Variants in SENP7 observed in about 807,000 individuals in gnomAD.
The protein encoded by SENP7 is SUMO specific peptidase 7.
In SENP7, 64 loss-of-function variants were observed where a neutral mutation model predicts 141.2. The ratio of observed to expected loss-of-function variants is 0.45; its 90% CI spans 0.37 to 0.56. The LOEUF is 0.56. Among genes scored for constraint, SENP7 ranks in the 20% least tolerant of loss-of-function variants. The probability of loss-of-function intolerance (pLI) is 0.00; values close to 1 mark genes in which losing one functional copy is unlikely to be tolerated. For synonymous variants in SENP7, 382 were observed against 426.4 expected (o/e 0.90, Z 1.28); for missense variants, 1,025 against 1,212.2 (o/e 0.85, Z 2.29).
intron 6 of SENP7, among the ~76,000 whole-genome samples, chr3:101,374,710 A>T (rs1220425832): frequency 1.3e-5 from 2 of 150,792 alleles, no homozygotes; most frequent in Non-Finnish European, 2.9e-5. Flanking sequence ...CAGGAGTTCA[A>T]GGTGGCAGCT....
chr3:101,479,023 A>G (rs1470903271), intron 3 of SENP7, among the ~76,000 whole-genome samples: 1 of 152,176 alleles, frequency 6.6e-6, no homozygotes, highest in African/African-American at 2.4e-5. Flanking sequence ...AAAAATGCTC[A>G]AGAAACTAGC....
chr3:101,457,446 T>G (rs1187391544), intron 4 of SENP7: 1 of 1,596,166 alleles, frequency 6.3e-7, no homozygotes, highest in African/African-American at 1.3e-5. Context: ...CTGCTTTGTC[T>G]CGGCATGGCC....
At chr3:101,339,672 T>C (rs987990310) in intron 16 of SENP7, among the ~76,000 whole-genome samples, 2 of 151,856 alleles carry the variant, frequency 1.3e-5, no homozygotes, top group African/African-American at 4.8e-5. Context: ...GAGCCGAGAT[T>C]GTGCCACTGG....
chr3:101,422,953 GC>G (rs1246235356), intron 4 of SENP7, among the ~76,000 whole-genome samples: 8 of 151,978 alleles, frequency 5.3e-5, no homozygotes, highest in African/African-American at 1.9e-4. Context: ...ATATAGCTTG[GC>G]CAAATAAATT....
At chr3:101,379,383 A>G (rs2060430773) in intron 6 of SENP7, among the ~76,000 whole-genome samples, 1 of 152,164 alleles carries the variant, frequency 6.6e-6, no homozygotes. Flanking sequence ...GATTACGTAG[A>G]CTTCATCAGA....
At chr3:101,502,010 G>A (rs888185149) in intron 1 of SENP7, among the ~76,000 whole-genome samples, 7 of 152,136 alleles carry the variant, frequency 4.6e-5, no homozygotes, top group African/African-American at 1.7e-4. Flanking sequence ...AAATGTCAAA[G>A]ATAAAAACAA....
intron 3 of SENP7, among the ~76,000 whole-genome samples, chr3:101,487,516 A>G (rs1416732524): frequency 1.3e-5 from 2 of 152,192 alleles, no homozygotes; most frequent in Non-Finnish European, 1.5e-5. Context: ...TTGGGGAATT[A>G]GCCAAAAATT....
intron 3 of SENP7, among the ~76,000 whole-genome samples, chr3:101,492,320 A>G (rs1240969356): frequency 6.6e-6 from 1 of 152,096 alleles, no homozygotes; most frequent in Non-Finnish European, 1.5e-5. Context: ...GGCTGCAATG[A>G]GCCGTGAGTG....
intron 1 of SENP7, among the ~76,000 whole-genome samples, chr3:101,506,480 C>T (rs1034845981): frequency 3.3e-5 from 5 of 152,126 alleles, no homozygotes; most frequent in African/African-American, 7.2e-5. Flanking sequence ...ACTTGCCCAA[C>T]GTTACCATAG....
At chr3:101,340,509 C>T (rs2059301878) in intron 15 of SENP7, 1 of 237,622 alleles carries the variant, frequency 4.2e-6, no homozygotes, top group African/African-American at 2.3e-5. Context: ...ATCAGTTATA[C>T]CATTGAAGAT....
intron 4 of SENP7, chr3:101,457,445 C>G: frequency 6.3e-7 from 1 of 1,595,110 alleles, no homozygotes; most frequent in Middle Eastern, 2.1e-4. Flanking sequence ...GCTGCTTTGT[C>G]TCGGCATGGC....
At chr3:101,493,317 T>TA (rs2065034113) in intron 3 of SENP7, among the ~76,000 whole-genome samples, 1 of 152,092 alleles carries the variant, frequency 6.6e-6, no homozygotes, top group South Asian at 2.1e-4. Context: ...GGCGATGAAA[T>TA]AATCTGTACA....
chr3:101,376,802 GA>G (rs200302212), intron 6 of SENP7, among the ~76,000 whole-genome samples: 5 of 148,894 alleles, frequency 3.4e-5, no homozygotes, highest in African/African-American at 1.2e-4. Context: ...AATGCAAAAA[GA>G]AAAAAAAACA....
chr3:101,376,888 A>AG (rs1392528988), intron 6 of SENP7, among the ~76,000 whole-genome samples: 1 of 152,096 alleles, frequency 6.6e-6, no homozygotes, highest in East Asian at 1.9e-4. Flanking sequence ...AACAACAGAG[A>AG]AAAAAAAGAA....
chr3:101,333,852 C>A (rs2059117507), intron 17 of SENP7, among the ~76,000 whole-genome samples: 1 of 152,162 alleles, frequency 6.6e-6, no homozygotes, highest in African/African-American at 2.4e-5. Context: ...GGTAATGCAG[C>A]AGTCCCCAAC....
intron 10 of SENP7, among the ~76,000 whole-genome samples, chr3:101,362,621 C>G (rs961600243): frequency 6.6e-6 from 1 of 152,102 alleles, no homozygotes; most frequent in African/African-American, 2.4e-5. Flanking sequence ...CAACCCTCCC[C>G]CTACTTTTGG....
rs2063154322 is a variant in SENP7, at chr3:101,451,936, G to C, written c.284+7019C>G. On this transcript the variant is annotated intron_variant, in intron 4 of 23. Transcript: ENST00000394095. ...GGAAGTCAAATTGTCCCTGTTTGCA[G>C]ATGACATGATTGTATATCTAGAAAA... Among the ~76,000 whole-genome samples the C allele has an allele frequency of 2.6e-5, 4 of 152,200 alleles. No homozygotes were observed. In the South Asian group the frequency reaches 8.3e-4, roughly 31 times the overall value.
intron 4 of SENP7, among the ~76,000 whole-genome samples, chr3:101,441,128 T>C (rs981684314): frequency 1.3e-4 from 20 of 152,078 alleles, no homozygotes; most frequent in African/African-American, 4.3e-4. Context: ...CAGAACCAAA[T>C]AGTAACACTT....
chr3:101,462,012 C>T (rs1022892705), intron 3 of SENP7, among the ~76,000 whole-genome samples: 1 of 152,084 alleles, frequency 6.6e-6, no homozygotes, highest in South Asian at 2.1e-4. Flanking sequence ...GGGAAGTTGG[C>T]AGAATAGAGA....
Sources: allele counts gnomAD v4.1 joint callset (sites outside exome capture counted in the v4.1 genomes callset), GRCh38; gene constraint gnomAD v4.1.1; transcripts MANE v1.5; gene names NCBI Gene and HGNC (gene_info 2026-07-23, HGNC 2026-07-21).